The following DERA variants were observed in gnomAD, a reference collection of about 807,000 sequenced individuals.
DERA encodes deoxyribose-phosphate aldolase.
Under a neutral mutation model 41.1 loss-of-function variants are expected in DERA, and 15 were observed. That is an observed-to-expected ratio of 0.37 (90% CI 0.24 to 0.56). The LOEUF is 0.56. DERA is among the 20% of genes least tolerant of loss of function. The probability of loss-of-function intolerance (pLI) is 0.81; values close to 1 mark genes in which losing one functional copy is unlikely to be tolerated. For missense variants in DERA, 396 were observed against 403.4 expected, an observed-to-expected ratio of 0.98 and a Z score of 0.16; for synonymous variants, 139 against 137.4, an observed-to-expected ratio of 1.01 and a Z score of -0.08.
rs534001538 is a variant in DERA at position 16,021,080 on chromosome 12, C to T, written c.638-11462C>T. The stretch of plus-strand genomic sequence containing the variant: ...AAGCAGGCTGTGGAGCAACTGCTTG[C>T]TAGAGAGATTAGCTTGTCTAAAAGG... On this transcript the variant is annotated intron_variant, in intron 6 of 8. Coordinates refer to ENST00000428559, the MANE Select transcript of DERA (RefSeq NM_015954.4). This position sits in a 1 kb window ranked among gnomAD's most constrained non-coding sequence, Gnocchi z 5.3. 2.0e-5 allele frequency among the ~76,000 whole-genome samples: 3 copies of T among 152,292 alleles called. No individual in the cohort carries two copies. The highest frequency in any genetic ancestry group is 1.9e-4 in the East Asian group (1 of 5,186).
intron 6 of DERA, among the ~76,000 whole-genome samples, chr12:15,986,557 T>A (rs1948765477): frequency 6.6e-6 from 1 of 152,196 alleles, no homozygotes; most frequent in Non-Finnish European, 1.5e-5. Context: ...GGAATTAATG[T>A]TGTTTCACTA....
At position 15,976,120 on chromosome 12, in the gene DERA, C is replaced by T. The variant is rs1239716670; in HGVS notation, c.509-6188C>T. ...AACTTACAACTTCACACTATAACCT[C>T]TATTACACTCCAGCATTGCATGGTT... On this transcript the variant is annotated intron_variant, in intron 5 of 8. Transcript: ENST00000428559. This position sits in a 1 kb window ranked among gnomAD's most constrained non-coding sequence, Gnocchi z 4.1. Among the ~76,000 whole-genome samples, 4 of 152,336 alleles carry T rather than the reference C, an allele frequency of 2.6e-5. No individual in the cohort carries two copies. The highest frequency in any genetic ancestry group is 9.6e-5 in the African/African-American group (4 of 41,574).
chr12:15,914,967 G>A (rs1397845689), intron 1 of DERA, among the ~76,000 whole-genome samples: 2 of 152,012 alleles, frequency 1.3e-5, no homozygotes, highest in African/African-American at 2.4e-5. Flanking sequence ...TAGTAGAGAC[G>A]GGTTTTTGCC....
chr12:15,963,355 C>T (rs1948601249), intron 5 of DERA, among the ~76,000 whole-genome samples: 1 of 152,094 alleles, frequency 6.6e-6, no homozygotes, highest in Admixed American at 6.5e-5. Context: ...AGGAAACTTC[C>T]CTTTTTTATG....
chr12:15,955,161 G>T (rs751232617), intron 1 of DERA, among the ~76,000 whole-genome samples: 1 of 152,058 alleles, frequency 6.6e-6, no homozygotes, highest in South Asian at 2.1e-4. Context: ...TTAGCCTGGC[G>T]TGGTGGCGCA....
chr12:15,962,634 T>A, intron 4 of DERA, 179 bp from the exon 5 acceptor site: 1 of 509,432 alleles, frequency 2.0e-6, no homozygotes, highest in Non-Finnish European at 3.5e-6. Flanking sequence ...TTCACACTTA[T>A]GCATAAGTGA....
rs1473036112 is a variant in DERA at position 15,991,000 on chromosome 12, A to G, written c.637+8564A>G. On this transcript the variant is annotated intron_variant, in intron 6 of 8. Coordinates refer to ENST00000428559, the MANE Select transcript of DERA (RefSeq NM_015954.4). The surrounding 1 kb of genome is among the most constrained non-coding windows in gnomAD (Gnocchi z 4.3). ...TAATGGGATTCCTGGGTCGAAAGGT[A>G]TTTCTGTCTTTAGATCTTTGAGGAA... Among the ~76,000 whole-genome samples the G allele has an allele frequency of 6.6e-6, 1 of 152,120 alleles. No individual in the cohort carries two copies. Among genetic ancestry groups the G allele is most frequent in the Non-Finnish European group, 1.5e-5 (1 of 68,006 alleles).
rs1948269158 is a variant in DERA, at chr12:15,924,663, A to G, written c.31+13249A>G. 2.0e-5 allele frequency among the ~76,000 whole-genome samples: 3 copies of G among 152,178 alleles called. No individual in the cohort carries two copies. The highest frequency in any genetic ancestry group is 2.0e-4 in the Admixed American group (3 of 15,272). On this transcript the variant is annotated intron_variant, in intron 1 of 8. Transcript: ENST00000428559. The surrounding 1 kb of genome is among the most constrained non-coding windows in gnomAD (Gnocchi z 5.0). ...ACTATTAAGTGAGATATATAATTAA[A>G]TTACCTTTAACTTGATGAGTGATCA...
At position 15,992,732 on chromosome 12, in the gene DERA, G is replaced by C. The variant is rs1273316981; in HGVS notation, c.637+10296G>C. Reference sequence around the variant, plus strand: ...GTAAAGCAGGTCAATCTACTGCTAAGGGATTTCAGCCCAGCAAATGCACAC... The same window carrying C: ...GTAAAGCAGGTCAATCTACTGCTAACGGATTTCAGCCCAGCAAATGCACAC... On this transcript the variant is annotated intron_variant, in intron 6 of 8. Coordinates refer to ENST00000428559, the MANE Select transcript of DERA (RefSeq NM_015954.4). The surrounding 1 kb of genome is among the most constrained non-coding windows in gnomAD (Gnocchi z 4.3). 6.6e-6 allele frequency among the ~76,000 whole-genome samples: 1 copy of C among 152,170 alleles called. No homozygotes were observed. Among genetic ancestry groups the C allele is most frequent in the Non-Finnish European group, 1.5e-5 (1 of 68,016 alleles).
At position 16,036,498 on chromosome 12, in the gene DERA, A is replaced by C; in HGVS notation, c.900+117A>C. ...CATCTGATTGACCTCATCCTACCCA[A>C]TCCTCTACCTTTTCTTCCAAGCAAA... On this transcript the variant is annotated intron_variant, in intron 8 of 8. Transcript: ENST00000428559. This position sits in a 1 kb window ranked among gnomAD's most constrained non-coding sequence, Gnocchi z 4.9. 8.0e-7 allele frequency: 1 copy of C among 1,247,784 alleles called. No homozygotes were observed. The highest frequency in any genetic ancestry group is 1.1e-6 in the Non-Finnish European group (1 of 903,054). The allele number at this position is 1,247,784 out of a possible 1,614,324, so 77.3% of individuals were successfully genotyped here.
Position 15,972,357 on chromosome 12 carries a change from C to A in DERA, c.508+9410C>A. On this transcript the variant is annotated intron_variant, in intron 5 of 8. Coordinates refer to ENST00000428559, the MANE Select transcript of DERA (RefSeq NM_015954.4). This position sits in a 1 kb window ranked among gnomAD's most constrained non-coding sequence, Gnocchi z 4.4. ...TGGCCTCGCGGCCCTTCTTGTTGCT[C>A]CCAGAACTGTGGGGTGAACTGATCA... 6.4e-6 allele frequency: 1 copy of A among 155,286 alleles called. No homozygotes were observed. Among genetic ancestry groups the A allele is most frequent in the South Asian group, 1.8e-4 (1 of 5,496 alleles). The allele number at this position is 155,286 out of a possible 1,614,324, so 9.6% of individuals were successfully genotyped here.
rs1208644862 is a variant in DERA, at chr12:15,923,017, C to CTTT, written c.31+11624_31+11626dup. 3.7e-3 allele frequency among the ~76,000 whole-genome samples: 387 copies of CTTT among 104,402 alleles called. 1 individual carries two copies. Among genetic ancestry groups the CTTT allele is most frequent in the Non-Finnish European group, 4.1e-3 (216 of 52,866 alleles). 68.5% of individuals were successfully genotyped at this position (104,402 alleles called of 152,430 possible). A position where few individuals can be genotyped will look rare whatever the true frequency, so the allele number is the denominator to read the frequency against. On this transcript the variant is annotated intron_variant, in intron 1 of 8. Transcript: ENST00000428559. ...TAAAAAATAGTGGTTTTTGTTTTTG[C>CTTT]TTTTTTTTTTTTTTTTTTTTTTTGA...
intron 4 of DERA, among the ~76,000 whole-genome samples, chr12:15,960,990 G>C (rs1948583674): frequency 6.6e-6 from 1 of 152,188 alleles, no homozygotes; most frequent in Non-Finnish European, 1.5e-5. Flanking sequence ...ATTGCAGAGG[G>C]GATCCATGCC....
intron 1 of DERA, among the ~76,000 whole-genome samples, chr12:15,920,364 G>A (rs1286481871): frequency 1.3e-5 from 2 of 152,160 alleles, no homozygotes; most frequent in Non-Finnish European, 2.9e-5. Flanking sequence ...GCTGGTTAGA[G>A]GTAGTCCTGG....
In DERA at chr12:15,990,167, T is replaced by C. The variant is rs976816529; in HGVS notation, c.637+7731T>C. On this transcript the variant is annotated intron_variant, in intron 6 of 8. Coordinates refer to ENST00000428559, the MANE Select transcript of DERA (RefSeq NM_015954.4). This position sits in a 1 kb window ranked among gnomAD's most constrained non-coding sequence, Gnocchi z 4.3. Reference sequence around the variant, plus strand: ...TTTTTTTCTATACTCTTTCAAGGCATTATTTAGAGCATAACCCTTCAAAAC... The same window carrying C: ...TTTTTTTCTATACTCTTTCAAGGCACTATTTAGAGCATAACCCTTCAAAAC... 2.0e-5 allele frequency among the ~76,000 whole-genome samples: 3 copies of C among 152,170 alleles called. No individual in the cohort carries two copies. The highest frequency in any genetic ancestry group is 7.2e-5 in the African/African-American group (3 of 41,452).
chr12:15,954,253 T>A lies in DERA; in HGVS notation c.32-2683T>A, dbSNP rs970457601. 4.8e-4 allele frequency among the ~76,000 whole-genome samples: 73 copies of A among 152,232 alleles called. No homozygotes were observed. The highest frequency in any genetic ancestry group is 1.7e-3 in the African/African-American group (71 of 41,470). On this transcript the variant is annotated intron_variant, in intron 1 of 8. Coordinates refer to ENST00000428559, the MANE Select transcript of DERA (RefSeq NM_015954.4). The surrounding 1 kb of genome is among the most constrained non-coding windows in gnomAD (Gnocchi z 4.0). Reference sequence around the variant, plus strand: ...CCAGAATTAAATCCTTTCTGGTCTTTGGGAACCACTCGACTTATTTATCGT... The same window carrying A: ...CCAGAATTAAATCCTTTCTGGTCTTAGGGAACCACTCGACTTATTTATCGT...
chr12:16,015,590 T>C (rs1948975829), intron 6 of DERA, among the ~76,000 whole-genome samples: 2 of 152,250 alleles, frequency 1.3e-5, no homozygotes, highest in Admixed American at 1.3e-4. Context: ...GGCAGTTCTT[T>C]ATAGAGGTAT....
Position 15,970,307 on chromosome 12 carries a change from A to T in DERA, c.508+7360A>T, listed in dbSNP as rs1323177511. ...CAATTATTTTTAAGTGCCTTTGAAT[A>T]GCAGGAAATATAGAAGGAAATATAC... On this transcript the variant is annotated intron_variant, in intron 5 of 8. Transcript: ENST00000428559. The surrounding 1 kb of genome is among the most constrained non-coding windows in gnomAD (Gnocchi z 4.3). Among the ~76,000 whole-genome samples, 1 of 152,222 alleles carries T rather than the reference A, an allele frequency of 6.6e-6. No individual in the cohort carries two copies. The highest frequency in any genetic ancestry group is 6.5e-5 in the Admixed American group (1 of 15,282).
At chr12:15,978,303 T>A (rs1446679120) in intron 5 of DERA, among the ~76,000 whole-genome samples, 1 of 152,204 alleles carries the variant, frequency 6.6e-6, no homozygotes, top group East Asian at 1.9e-4. Context: ...TTTTTTCTTA[T>A]ATGTAAGACT....
Sources: gnomAD v4.1 joint callset for allele counts (sites outside exome capture counted in the v4.1 genomes callset) on GRCh38, gnomAD v4.1.1 for gene constraint, Gnocchi (gnomAD v3.1) non-coding constraint, MANE v1.5 for transcripts, NCBI Gene and HGNC (gene_info 2026-07-23, HGNC 2026-07-21) for gene names.